COL5A1: variants seen among roughly 807,000 people sequenced by gnomAD.
COL5A1 encodes collagen alpha-1(V) chain.
COL5A1 carries 16 observed loss-of-function variants against 263.7 expected under a neutral mutation model. That is an observed-to-expected ratio of 0.06 (90% confidence interval 0.04 to 0.09). The LOEUF (loss-of-function observed/expected upper bound fraction) is 0.09. COL5A1 is among the 10% of genes least tolerant of loss of function. COL5A1 has a pLI of 1.00. For missense variants in COL5A1, 2,036 were observed against 2,540.5 expected, an observed-to-expected ratio of 0.80 and a Z score of 4.27; for synonymous variants, 1,012 against 1,004.5, an observed-to-expected ratio of 1.01 and a Z score of -0.14.
At chr9:134,727,011 G>C (rs1214904005) in intron 4 of COL5A1, among the ~76,000 whole-genome samples, 1 of 150,530 alleles carries the variant, frequency 6.6e-6, no homozygotes, top group African/African-American at 2.4e-5. Context: ...GTGGATGGAT[G>C]GATGGATGGA....
intron 4 of COL5A1, among the ~76,000 whole-genome samples, chr9:134,712,740 C>A (rs1335425120): frequency 6.6e-6 from 1 of 150,858 alleles, no homozygotes; most frequent in African/African-American, 2.4e-5. Context: ...TCTTTCCTGC[C>A]CCTTTCTGGC....
intron 25 of COL5A1, among the ~76,000 whole-genome samples, chr9:134,770,678 G>A (rs1354184179): frequency 6.6e-6 from 1 of 152,172 alleles, no homozygotes; most frequent in Non-Finnish European, 1.5e-5. Context: ...AATTGTCTAT[G>A]ATGAACATAC....
In COL5A1 at chr9:134,700,974, G is replaced by T. The variant is rs1833652665; in HGVS notation, c.492-197G>T. On this transcript the variant is annotated intron_variant, in intron 3 of 65. Transcript: ENST00000371817. This position sits in a 1 kb window ranked among gnomAD's most constrained non-coding sequence, Gnocchi z 4.0. ...TCCTTGTCTGAGGGACGAGGGTTCT[G>T]GGGAATGAGTAGATCTCATGGCACG... Among the ~76,000 whole-genome samples, 1 of 152,190 alleles carries T rather than the reference G, an allele frequency of 6.6e-6. No homozygotes were observed. The highest frequency in any genetic ancestry group is 1.5e-5 in the Non-Finnish European group (1 of 68,038).
intron 1 of COL5A1, among the ~76,000 whole-genome samples, chr9:134,674,230 G>T (rs1832625894): frequency 1.3e-5 from 2 of 152,176 alleles, no homozygotes; most frequent in Non-Finnish European, 2.9e-5. Context: ...CTCATGTGCT[G>T]TGTTATTGCA....
intron 16 of COL5A1, 114 bp from the exon 17 acceptor site, chr9:134,756,651 G>A: frequency 8.6e-7 from 1 of 1,160,760 alleles, no homozygotes; most frequent in Non-Finnish European, 1.3e-6. Flanking sequence ...GTGACCTTGG[G>A]GGTGGGCGCG....
intron 20 of COL5A1, 118 bp downstream of exon 20, chr9:134,763,855 C>A: frequency 9.7e-7 from 1 of 1,032,850 alleles, no homozygotes; most frequent in Non-Finnish European, 1.4e-6. Context: ...GAGAGCTCGA[C>A]CTGAGAACAG....
intron 2 of COL5A1, among the ~76,000 whole-genome samples, chr9:134,693,278 G>A (rs536877171): frequency 8.5e-5 from 13 of 152,076 alleles, no homozygotes; most frequent in Non-Finnish European, 1.9e-4. Flanking sequence ...AGCCGAGATC[G>A]CGCCATTGCA....
In COL5A1 at chr9:134,746,480, C is replaced by T. The variant is rs142834288; in HGVS notation, c.1495-4062C>T. On this transcript the variant is annotated intron_variant, in intron 11 of 65. Coordinates refer to ENST00000371817, the MANE Select transcript of COL5A1 (RefSeq NM_000093.5). ...TCCCCTGAGGTTGAGCCGAGGGTCT[C>T]GTGGGGACAGTTTCACGTGCTGAAT... Among the ~76,000 whole-genome samples the T allele has an allele frequency of 2.0e-3, 304 of 152,350 alleles. 1 individual carries two copies. Among genetic ancestry groups the T allele is most frequent in the Non-Finnish European group, 3.0e-3 (203 of 68,028 alleles).
intron 65 of COL5A1, 95 bp downstream of exon 65, chr9:134,835,299 C>T: frequency 8.6e-7 from 1 of 1,167,800 alleles, no homozygotes. Context: ...AAGATGCCTG[C>T]CAGAGGGCAG....
chr9:134,773,017 G>C (rs1836916620), intron 26 of COL5A1, among the ~76,000 whole-genome samples, 183 bp downstream of exon 26: 1 of 151,994 alleles, frequency 6.6e-6, no homozygotes, highest in African/African-American at 2.4e-5. Context: ...TTTTCCCCAA[G>C]AAGCGGGGCA....
At chr9:134,751,664 C>CGGG in intron 13 of COL5A1, among the ~76,000 whole-genome samples, 1 of 1,164 alleles carries the variant, frequency 8.6e-4, no homozygotes, top group Non-Finnish European at 1.3e-3. Flanking sequence ...CCCCGTGGGG[C>CGGG]GGGTGGGTGG....
chr9:134,750,694 T>G, intron 12 of COL5A1, 78 bp downstream of exon 12: 3 of 1,595,560 alleles, frequency 1.9e-6, no homozygotes, highest in South Asian at 1.1e-5. Context: ...GAGGCTGCGC[T>G]GTCACTGGAG....
intron 1 of COL5A1, among the ~76,000 whole-genome samples, chr9:134,650,336 CG>C (rs1313736378): frequency 6.6e-6 from 1 of 151,950 alleles, no homozygotes; most frequent in Non-Finnish European, 1.5e-5. Context: ...ATTCTGCTGG[CG>C]GGTGGCCTGG....
chr9:134,782,705 C>A lies in COL5A1; in HGVS notation c.2469C>A (p.Gly823=), dbSNP rs1179084880. Residue 823 remains glycine, a synonymous_variant, in exon 29 of 66, where the codon GGC becomes GGA. Coordinates refer to ENST00000371817, the MANE Select transcript of COL5A1 (RefSeq NM_000093.5). ...DGFPGFKGDM[G]IKGDRGEIGP... Reference sequence around the variant, plus strand: ...TTCCTGGGTTTAAAGGAGACATGGGCATCAAGGGTGATCGGGTGAGCATCT... The same window carrying A: ...TTCCTGGGTTTAAAGGAGACATGGGAATCAAGGGTGATCGGGTGAGCATCT... The A allele has an allele frequency of 6.2e-7, 1 of 1,612,438 alleles. No homozygotes were observed. Among genetic ancestry groups the A allele is most frequent in the Non-Finnish European group, 8.5e-7 (1 of 1,179,340 alleles).
intron 42 of COL5A1, among the ~76,000 whole-genome samples, chr9:134,807,536 AC>A (rs1838338212): frequency 6.6e-6 from 1 of 151,566 alleles, no homozygotes; most frequent in Non-Finnish European, 1.5e-5. Context: ...CAAGTGATCT[AC>A]CCGCCTCAGC....
intron 44 of COL5A1, 60 bp downstream of exon 44, chr9:134,810,368 C>T: frequency 6.6e-7 from 1 of 1,516,700 alleles, no homozygotes; most frequent in Non-Finnish European, 9.1e-7. Flanking sequence ...TCGTCGCAGG[C>T]TGTAGGCCGT....
intron 31 of COL5A1, among the ~76,000 whole-genome samples, chr9:134,786,611 A>C (rs1307532813): frequency 6.6e-6 from 1 of 152,262 alleles, no homozygotes; most frequent in Non-Finnish European, 1.5e-5. Flanking sequence ...ATAATGGAGT[A>C]TAAAAGAAAA....
intron 1 of COL5A1, among the ~76,000 whole-genome samples, chr9:134,671,983 G>A (rs992468339): frequency 2.0e-5 from 3 of 152,252 alleles, no homozygotes; most frequent in Non-Finnish European, 2.9e-5. Context: ...GACACTTGGT[G>A]TGGGGGGGCC....
rs557669383 is a variant in COL5A1 at position 134,843,766 on chromosome 9, G to A, written c.*1463G>A. On this transcript the variant is annotated 3_prime_UTR_variant, in exon 66 of 66. Transcript: ENST00000371817. ...AAGCCGTTCAGTCATGCCATGCGCT[G>A]CCTCGGTAGATGGAGTAATGTACAA... 6.5e-6 allele frequency: 1 copy of A among 152,826 alleles called. No individual in the cohort carries two copies. Among genetic ancestry groups the A allele is most frequent in the South Asian group, 2.1e-4 (1 of 4,828 alleles). The allele number at this position is 152,826 out of a possible 1,614,324, so 9.5% of individuals were successfully genotyped here.
Sources: gnomAD v4.1 joint callset for allele counts (sites outside exome capture counted in the v4.1 genomes callset) on GRCh38, gnomAD v4.1.1 for gene constraint, Gnocchi (gnomAD v3.1) non-coding constraint, MANE v1.5 for transcripts, NCBI Gene and HGNC (gene_info 2026-07-23, HGNC 2026-07-21) for gene names.